Variants in ATRX observed in about 807,000 individuals in gnomAD.
ATRX encodes the protein ATRX chromatin remodeler.
ATRX carries 12 observed loss-of-function variants against 172.6 expected under a neutral mutation model. The ratio of observed to expected loss-of-function variants is 0.07; its 90% CI spans 0.04 to 0.11. The LOEUF is 0.11. Ranked by LOEUF, ATRX falls within the 10% of genes least tolerant of loss-of-function variation. The probability of loss-of-function intolerance (pLI) is 1.00; values close to 1 mark genes in which losing one functional copy is unlikely to be tolerated. For missense variants in ATRX, 1,368 were observed against 1,767.4 expected (o/e 0.77, Z 4.05); for synonymous variants, 674 against 594.7 (o/e 1.13, Z -1.94).
chrX:77,676,144 C>T (rs998962709), intron 10 of ATRX, 82 bp downstream of exon 10: 1 of 946,861 alleles, frequency 1.1e-6, no homozygotes, highest in East Asian at 3.3e-5. Flanking sequence ...TTACAACCTG[C>T]TTGCTGTTCC....
chrX:77,734,839 G>A (rs150494425), intron 1 of ATRX, among the ~76,000 whole-genome samples: 1,858 of 109,308 alleles, frequency 0.017, 14 homozygotes, highest in Non-Finnish European at 0.026. Context: ...GGCCCGGCAC[G>A]GTGGCTCACG....
At chrX:77,728,442 T>C (rs781876448) in intron 1 of ATRX, among the ~76,000 whole-genome samples, 3 of 112,044 alleles carry the variant, frequency 2.7e-5, no homozygotes, top group Non-Finnish European at 5.6e-5. Context: ...GAAAAACACA[T>C]TACTTTGCTC....
rs200709036 is a variant in ATRX, at chrX:77,570,184, C to CTT, written c.6326+4064_6326+4065dup. Among the ~76,000 whole-genome samples the CTT allele has an allele frequency of 6.8e-5, 7 of 103,283 alleles. No individual in the cohort carries two copies. The East Asian group carries it at 1.2e-3, about 18-fold the overall frequency. 89.7% of individuals were successfully genotyped at this position (103,283 alleles called of 115,157 possible). ...AAGGAAGTATGGTTTTTTCTTCGTT[C>CTT]TTTTTTTTTTTTGAGACAGTGTCTT... On this transcript the variant is annotated intron_variant, in intron 28 of 34. Transcript: ENST00000373344.
chrX:77,544,985 A>C (rs1391390107), intron 30 of ATRX, among the ~76,000 whole-genome samples: 1 of 111,940 alleles, frequency 8.9e-6, no homozygotes, highest in African/African-American at 3.2e-5. Context: ...ACTTCTCAAA[A>C]GAAGACATTT....
rs782400708 is a variant in ATRX at position 77,718,485 on chromosome X, G to A, written c.21-1242C>T. On this transcript the variant is annotated intron_variant, in intron 1 of 34. Transcript: ENST00000373344. ...GCCTCCCGGGTTCACACCATTCTCC[G>A]GCCTCAGCCTCCCAAGTAGCTGGGA... is the stretch of plus-strand genomic sequence containing the variant. 3.3e-4 allele frequency among the ~76,000 whole-genome samples: 35 copies of A among 105,132 alleles called. 1 individual carries two copies. Among genetic ancestry groups the A allele is most frequent in the Admixed American group, 3.2e-4 (3 of 9,425 alleles). 91.3% of individuals were successfully genotyped at this position (105,132 alleles called of 115,157 possible).
intron 12 of ATRX, among the ~76,000 whole-genome samples, chrX:77,663,158 C>A (rs990190929): frequency 2.7e-5 from 3 of 109,707 alleles, no homozygotes; most frequent in African/African-American, 1.0e-4. Context: ...GTGATCCTCC[C>A]ACCTCAGCCT....
chrX:77,603,241 A>C (rs1557088149), intron 22 of ATRX, among the ~76,000 whole-genome samples: 2 of 111,776 alleles, frequency 1.8e-5, no homozygotes, highest in Non-Finnish European at 3.8e-5. Context: ...TTGGGCTCTT[A>C]TTTGGTTCCA....
chrX:77,752,091 C>T (rs898022868), intron 1 of ATRX, among the ~76,000 whole-genome samples: 4 of 111,633 alleles, frequency 3.6e-5, no homozygotes, highest in African/African-American at 1.3e-4. Flanking sequence ...GCCATTTTCA[C>T]GATATTGATT....
chrX:77,761,429 T>TG (rs2075712739), intron 1 of ATRX, among the ~76,000 whole-genome samples: 3 of 110,510 alleles, frequency 2.7e-5, no homozygotes, highest in African/African-American at 9.8e-5. Flanking sequence ...CCCAGCTACT[T>TG]GGGGGGCTGA....
At chrX:77,648,812 T>G (rs1214229059) in intron 15 of ATRX, among the ~76,000 whole-genome samples, 1 of 110,976 alleles carries the variant, frequency 9.0e-6, no homozygotes, top group East Asian at 2.8e-4. Context: ...TTCCTTAAGT[T>G]TGAAATTTAC....
At chrX:77,662,179 A>AT (rs1354173929) in intron 12 of ATRX, among the ~76,000 whole-genome samples, 1 of 111,297 alleles carries the variant, frequency 9.0e-6, no homozygotes, top group Non-Finnish European at 1.9e-5. Context: ...TGGTGCTATA[A>AT]TTTTTTTATA....
intron 2 of ATRX, among the ~76,000 whole-genome samples, chrX:77,716,110 ATTTTTTTTTTTTTTTTTTT>A (rs199639051): frequency 1.7e-4 from 9 of 54,391 alleles, no homozygotes; most frequent in East Asian, 1.3e-3. Context: ...GTCTCTAAAA[ATTTTTTTTTTTTTTTTTTT>A]TTTTTTTTTT....
chrX:77,587,375 T>C (rs1014572980), intron 27 of ATRX, among the ~76,000 whole-genome samples: 4 of 111,205 alleles, frequency 3.6e-5, no homozygotes, highest in African/African-American at 1.3e-4. Context: ...AAACATGACA[T>C]GATCATCTCA....
At chrX:77,616,405 A>G (rs2148241049) in intron 22 of ATRX, 2 of 1,094,469 alleles carry the variant, frequency 1.8e-6, no homozygotes, top group Non-Finnish European at 2.4e-6. Context: ...TATGTGCTGT[A>G]TATCTTTTTC....
intron 10 of ATRX, among the ~76,000 whole-genome samples, chrX:77,673,171 T>C (rs1405237487): frequency 9.0e-6 from 1 of 111,003 alleles, no homozygotes; most frequent in Non-Finnish European, 1.9e-5. Context: ...CCCAGTTATA[T>C]TGAACATATA....
In ATRX at chrX:77,593,623, CA is replaced by C. The variant is rs1198596423; in HGVS notation, c.6110+72del. 7 of 1,053,291 alleles carry C rather than the reference CA, an allele frequency of 6.6e-6. No homozygotes were observed. In the Admixed American group the frequency reaches 1.4e-4, roughly 21 times the overall value. The allele number at this position is 1,053,291 out of a possible 1,213,427, so 86.8% of individuals were successfully genotyped here. A position where few individuals can be genotyped will look rare whatever the true frequency, so the allele number is the denominator to read the frequency against. ...AGGAAGGAAAAGCAACAGATTTGTT[CA>C]AATACATTGTTTAAGCAATAAAAAC... On this transcript the variant is annotated intron_variant, in intron 26 of 34. Coordinates refer to ENST00000373344, the MANE Select transcript of ATRX (RefSeq NM_000489.6).
At chrX:77,536,996 C>T (rs1557048591) in intron 30 of ATRX, among the ~76,000 whole-genome samples, 2 of 111,890 alleles carry the variant, frequency 1.8e-5, no homozygotes, top group Non-Finnish European at 3.8e-5. Context: ...TTTGCACTAT[C>T]CAAGACAGTA....
At chrX:77,744,529 G>T (rs183867516) in intron 1 of ATRX, among the ~76,000 whole-genome samples, 1 of 111,749 alleles carries the variant, frequency 8.9e-6, no homozygotes, top group East Asian at 2.8e-4. Context: ...CGATTCTGCA[G>T]CAACAGATCT....
At chrX:77,669,791 C>T (rs988334052) in intron 10 of ATRX, among the ~76,000 whole-genome samples, 24 of 110,719 alleles carry the variant, frequency 2.2e-4, no homozygotes, top group Admixed American at 1.2e-3. Context: ...CTTGAACTCC[C>T]GGGCTAAAGC....
Sources: gnomAD v4.1 joint callset for allele counts (sites outside exome capture counted in the v4.1 genomes callset) on GRCh38, gnomAD v4.1.1 for gene constraint, MANE v1.5 for transcripts, NCBI Gene and HGNC (gene_info 2026-07-23, HGNC 2026-07-21) for gene names.